The following AGBL4 variants were observed in gnomAD, a reference collection of about 807,000 sequenced individuals.
AGBL4 encodes the protein cytosolic carboxypeptidase 6.
Under a neutral mutation model 66.4 loss-of-function variants are expected in AGBL4, and 58 were observed. That is an observed-to-expected ratio of 0.87 (90% CI 0.71 to 1.09). The LOEUF (loss-of-function observed/expected upper bound fraction) is 1.09. Among genes scored for constraint, AGBL4 ranks in the 50% least tolerant of loss-of-function variants. The pLI, the probability that AGBL4 is intolerant of heterozygous loss-of-function variation, is 0.00. For synonymous variants in AGBL4, 234 were observed against 222.9 expected, an observed-to-expected ratio of 1.05 and a Z score of -0.44; for missense variants, 579 against 631.0, an observed-to-expected ratio of 0.92 and a Z score of 0.88.
chr1:48,692,621 T>C (rs1450229129), intron 6 of AGBL4, among the ~76,000 whole-genome samples: 1 of 152,214 alleles, frequency 6.6e-6, no homozygotes, highest in Non-Finnish European at 1.5e-5. Context: ...ATGTGAGGAC[T>C]GTGATATTCA....
chr1:49,946,742 A>G (rs1004680857), intron 1 of AGBL4, among the ~76,000 whole-genome samples: 1 of 151,908 alleles, frequency 6.6e-6, no homozygotes, highest in African/African-American at 2.4e-5. Flanking sequence ...AAACAAAAAA[A>G]TATAAAAGAT....
At chr1:49,583,227 G>T (rs1236787218) in intron 3 of AGBL4, among the ~76,000 whole-genome samples, 1 of 152,118 alleles carries the variant, frequency 6.6e-6, no homozygotes, top group Non-Finnish European at 1.5e-5. Context: ...AACATATGGG[G>T]CTTTAAGAGC....
chr1:48,950,150 G>T (rs1490070384), intron 5 of AGBL4, among the ~76,000 whole-genome samples: 2 of 152,192 alleles, frequency 1.3e-5, no homozygotes, highest in Non-Finnish European at 2.9e-5. Flanking sequence ...AGGCTGGAGT[G>T]CAATGGTGTG....
chr1:49,464,988 C>T (rs1646594151), intron 3 of AGBL4, among the ~76,000 whole-genome samples: 1 of 151,632 alleles, frequency 6.6e-6, no homozygotes, highest in Non-Finnish European at 1.5e-5. Context: ...AATGAACAAA[C>T]AAATGAATGA....
chr1:49,848,357 G>C (rs566370192), intron 2 of AGBL4, among the ~76,000 whole-genome samples: 105 of 152,220 alleles, frequency 6.9e-4, no homozygotes, highest in Non-Finnish European at 1.0e-3. Context: ...ATGTAAAAAA[G>C]TTACTTGCAC....
chr1:49,583,173 AT>A (rs1303126438), intron 3 of AGBL4, among the ~76,000 whole-genome samples: 4 of 152,130 alleles, frequency 2.6e-5, no homozygotes, highest in Admixed American at 6.5e-5. Context: ...ACAACTCTTG[AT>A]GGGCTCCTGG....
At chr1:49,950,463 G>A (rs1020845514) in intron 1 of AGBL4, among the ~76,000 whole-genome samples, 2 of 151,498 alleles carry the variant, frequency 1.3e-5, no homozygotes, top group Non-Finnish European at 3.0e-5. Flanking sequence ...AGCATATACT[G>A]CTCAGGTGGT....
intron 3 of AGBL4, among the ~76,000 whole-genome samples, chr1:49,258,446 T>G (rs542455933): frequency 6.6e-6 from 1 of 151,814 alleles, no homozygotes; most frequent in Admixed American, 6.6e-5. Context: ...ATAACCAATA[T>G]AGAGAAGTGC....
At chr1:49,919,538 G>A (rs375217345) in intron 1 of AGBL4, among the ~76,000 whole-genome samples, 1 of 152,136 alleles carries the variant, frequency 6.6e-6, no homozygotes, top group South Asian at 2.1e-4. Context: ...CAAGGGATGT[G>A]AAGGAACTCT....
At chr1:49,860,927 T>A (rs1646556297) in intron 1 of AGBL4, among the ~76,000 whole-genome samples, 1 of 152,110 alleles carries the variant, frequency 6.6e-6, no homozygotes, top group African/African-American at 2.4e-5. Context: ...CAGTCCTGAA[T>A]CACCAATGCG....
intron 3 of AGBL4, among the ~76,000 whole-genome samples, chr1:49,493,116 G>A (rs1647241974): frequency 1.3e-5 from 2 of 151,962 alleles, no homozygotes; most frequent in Admixed American, 6.6e-5. Flanking sequence ...CTCCCACTGG[G>A]TCCTTCCCAT....
intron 3 of AGBL4, among the ~76,000 whole-genome samples, chr1:49,632,319 C>T (rs1292942054): frequency 1.3e-5 from 2 of 152,102 alleles, no homozygotes; most frequent in Non-Finnish European, 2.9e-5. Flanking sequence ...CTCACCACTA[C>T]CTCTGAAAAA....
chr1:49,045,634 G>C lies in AGBL4; in HGVS notation c.544C>G (p.Gln182Glu), dbSNP rs757116142. ...TRFQHYLDSL[Q>E]KRNMDYFFRE... ...AAGAAGTAATCCATGTTTCTCTTTT[G>C]CAGGCTGTCAAGGTAATGTTGGAAG... Residue 182 changes from glutamine (Q) to glutamate (E), a missense_variant, in exon 5 of 14, where the codon CAA (glutamine) becomes GAA (glutamate). Coordinates refer to ENST00000371839, the MANE Select transcript of AGBL4 (RefSeq NM_032785.4). 6.2e-7 allele frequency: 1 copy of C among 1,600,726 alleles called. No homozygotes were observed. The highest frequency in any genetic ancestry group is 8.5e-7 in the Non-Finnish European group (1 of 1,173,118).
chr1:49,188,407 A>G (rs1165943191), intron 4 of AGBL4, among the ~76,000 whole-genome samples: 1 of 152,180 alleles, frequency 6.6e-6, no homozygotes, highest in East Asian at 1.9e-4. Flanking sequence ...CACTAGACAG[A>G]ATATTTACTG....
At chr1:49,154,952 C>T (rs528517878) in intron 4 of AGBL4, among the ~76,000 whole-genome samples, 1 of 152,224 alleles carries the variant, frequency 6.6e-6, no homozygotes, top group Admixed American at 6.6e-5. Flanking sequence ...TTTATGAAAA[C>T]TCAAAAGCAT....
At chr1:49,980,178 G>A (rs937933047) in intron 1 of AGBL4, among the ~76,000 whole-genome samples, 6 of 152,096 alleles carry the variant, frequency 3.9e-5, no homozygotes, top group Non-Finnish European at 8.8e-5. Context: ...TTTTGACTGT[G>A]TGGGGCTGTC....
intron 3 of AGBL4, among the ~76,000 whole-genome samples, chr1:49,672,833 A>G (rs1158411522): frequency 2.0e-5 from 3 of 150,874 alleles, no homozygotes; most frequent in Non-Finnish European, 4.4e-5. Context: ...GGGCATGAAA[A>G]TCGCTTGAAC....
intron 9 of AGBL4, among the ~76,000 whole-genome samples, chr1:48,618,385 C>T (rs746202829): frequency 2.0e-5 from 3 of 152,114 alleles, no homozygotes; most frequent in African/African-American, 4.8e-5. Flanking sequence ...GCATGTGCTC[C>T]AAGTTTGGTA....
At chr1:48,949,361 G>A (rs551232947) in intron 5 of AGBL4, among the ~76,000 whole-genome samples, 6 of 152,328 alleles carry the variant, frequency 3.9e-5, no homozygotes, top group African/African-American at 1.4e-4. Context: ...GACTGCCCAG[G>A]CAATAGATTC....
Sources: gnomAD v4.1 joint callset for allele counts (sites outside exome capture counted in the v4.1 genomes callset) on GRCh38, gnomAD v4.1.1 for gene constraint, MANE v1.5 for transcripts, NCBI Gene and HGNC (gene_info 2026-07-23, HGNC 2026-07-21) for gene names.